The following PLEKHA8 variants were observed in gnomAD, a reference collection of about 807,000 sequenced individuals.
The protein encoded by PLEKHA8 is pleckstrin homology domain containing A8.
Under a neutral mutation model 68.2 loss-of-function variants are expected in PLEKHA8, and 36 were observed. That is an observed-to-expected ratio of 0.53 (90% CI 0.40 to 0.70). The LOEUF (loss-of-function observed/expected upper bound fraction) is 0.70. Among genes scored for constraint, PLEKHA8 ranks in the 30% least tolerant of loss-of-function variants. The probability of loss-of-function intolerance (pLI) is 0.00; values close to 1 mark genes in which losing one functional copy is unlikely to be tolerated. For missense variants in PLEKHA8, 505 were observed against 615.4 expected, an observed-to-expected ratio of 0.82 and a Z score of 1.90; for synonymous variants, 211 against 216.1, an observed-to-expected ratio of 0.98 and a Z score of 0.20.
In PLEKHA8 at chr7:30,054,747, C is replaced by T. The variant is rs755380585; in HGVS notation, c.835C>T (p.Leu279=). The change falls in exon 8 of 14, where the codon CTG becomes TTG. Residue 279 remains leucine (L), a synonymous_variant. Transcript: ENST00000449726. ...AAGGAAGGAAGATGGAATGGAAAAC[C>T]TGAAAAATCATGACAATAACTTGAC... ...EIRKEDGMEN[L]KNHDNNLTQS... 1.9e-6 allele frequency: 3 copies of T among 1,602,048 alleles called. No individual in the cohort carries two copies. The Admixed American group carries it at 5.1e-5, about 27-fold the overall frequency.
At chr7:30,067,880 T>G (rs1793971216) in intron 12 of PLEKHA8, among the ~76,000 whole-genome samples, 1 of 152,274 alleles carries the variant, frequency 6.6e-6, no homozygotes, top group African/African-American at 2.4e-5. Context: ...ATACTGTTAA[T>G]GGACACAGTT....
rs202038847 is a variant in PLEKHA8 at position 30,057,624 on chromosome 7, A to AT, written c.1039+2290dup. Among the ~76,000 whole-genome samples, 262 of 151,672 alleles carry AT rather than the reference A, an allele frequency of 1.7e-3. 3 individuals carry two copies. The highest frequency in any genetic ancestry group is 6.1e-3 in the African/African-American group (251 of 41,368). ...AGGCCTGTGCCACCATGCCTGGCCA[A>AT]TTTTTTTTGTATTTTTAATAGAGAC... On this transcript the variant is annotated intron_variant, in intron 9 of 13. Transcript: ENST00000449726.
At chr7:30,037,188 A>C (rs1167557635) in intron 1 of PLEKHA8, among the ~76,000 whole-genome samples, 1 of 152,226 alleles carries the variant, frequency 6.6e-6, no homozygotes, top group African/African-American at 2.4e-5. Flanking sequence ...ATAATATATG[A>C]TATGATAATA....
downstream of PLEKHA8, among the ~76,000 whole-genome samples, chr7:30,093,939 T>G (rs1431962645): frequency 6.6e-6 from 1 of 152,224 alleles, no homozygotes; most frequent in African/African-American, 2.4e-5. Flanking sequence ...ATCTTTTGTT[T>G]CCTAGTCAGT....
chr7:30,049,143 G>A lies in PLEKHA8; in HGVS notation c.439-81G>A, dbSNP rs1293104251. The A allele has an allele frequency of 1.5e-5, 23 of 1,532,084 alleles. No individual in the cohort carries two copies. The South Asian group carries it at 2.2e-4, about 14-fold the overall frequency. 94.9% of individuals were successfully genotyped at this position (1,532,084 alleles called of 1,614,324 possible). On this transcript the variant is annotated intron_variant, in intron 4 of 13. Coordinates refer to ENST00000449726, the MANE Select transcript of PLEKHA8 (RefSeq NM_001197026.2). ...TGGGTACATTATTATTATTTTGTGG[G>A]CAACCTCTAAGGACATTCCACAATT...
chr7:30,052,912 G>T, intron 7 of PLEKHA8, 46 bp downstream of exon 7: 1 of 1,479,640 alleles, frequency 6.8e-7, no homozygotes, highest in Non-Finnish European at 9.1e-7. Flanking sequence ...TTAGATGATA[G>T]AAAATTTGGG....
At chr7:30,056,312 C>CTCTA (rs796845171) in intron 9 of PLEKHA8, among the ~76,000 whole-genome samples, 2,314 of 94,468 alleles carry the variant, frequency 0.024, 85 homozygotes, top group Middle Eastern at 0.039. Context: ...CTCTCTCTCT[C>CTCTA]TATATATATA....
rs770502388 is a variant in PLEKHA8, at chr7:30,079,654, C to T, written c.*867C>T. The T allele has an allele frequency of 1.8e-6, 1 of 545,142 alleles. No individual in the cohort carries two copies. Among genetic ancestry groups the T allele is most frequent in the Non-Finnish European group, 2.3e-6 (1 of 427,728 alleles). 33.8% of individuals were successfully genotyped at this position (545,142 alleles called of 1,614,324 possible). On this transcript the variant is annotated 3_prime_UTR_variant, in exon 14 of 14. Transcript: ENST00000449726. The stretch of plus-strand genomic sequence containing the variant: ...GTCACATAGTTTTTAAGCAGAGGAG[C>T]CAGATAATTTCCAAGTGTGACCTGG...
intron 11 of PLEKHA8, 131 bp downstream of exon 11, chr7:30,062,158 GCCTAATGAATAATA>G: frequency 8.9e-7 from 1 of 1,121,238 alleles, no homozygotes; most frequent in Non-Finnish European, 1.2e-6. Flanking sequence ...TTTCTAGAAG[GCCTAATGAATAATA>G]CCACCTTATT....
At position 30,083,099 on chromosome 7, in the gene PLEKHA8, A is replaced by AT; in HGVS notation, c.*4317dup. 1 of 983,946 alleles carries AT rather than the reference A, an allele frequency of 1.0e-6. No homozygotes were observed. The highest frequency in any genetic ancestry group is 1.2e-6 in the Non-Finnish European group (1 of 828,708). The allele number at this position is 983,946 out of a possible 1,614,324, so 61.0% of individuals were successfully genotyped here. The stretch of plus-strand genomic sequence containing the variant: ...GATGTAGAGTTTATAAGTAAAATAT[A>AT]TTTTTAGCCATTGTTCTGTTAGCTG... On this transcript the variant is annotated 3_prime_UTR_variant, in exon 14 of 14. Coordinates refer to ENST00000449726, the MANE Select transcript of PLEKHA8 (RefSeq NM_001197026.2).
chr7:30,068,193 T>C (rs1299151881), intron 12 of PLEKHA8, among the ~76,000 whole-genome samples: 1 of 152,202 alleles, frequency 6.6e-6, no homozygotes, highest in Non-Finnish European at 1.5e-5. Flanking sequence ...GCTGAGACTT[T>C]GCATTTCTAA....
At chr7:30,058,330 T>C (rs780150308) in intron 9 of PLEKHA8, among the ~76,000 whole-genome samples, 2 of 152,160 alleles carry the variant, frequency 1.3e-5, no homozygotes, top group Non-Finnish European at 2.9e-5. Context: ...TTAGTGCTTT[T>C]AGTGTCTTAA....
At position 30,028,432 on chromosome 7, in the gene PLEKHA8, G is replaced by C. The variant is rs1306855885; in HGVS notation, c.-331G>C. The C allele has an allele frequency of 3.8e-6, 1 of 265,890 alleles. No individual in the cohort carries two copies. Among genetic ancestry groups the C allele is most frequent in the African/African-American group, 2.2e-5 (1 of 44,976 alleles). The allele number at this position is 265,890 out of a possible 1,614,324, so 16.5% of individuals were successfully genotyped here. On this transcript the variant is annotated 5_prime_UTR_variant, in exon 1 of 14. Transcript: ENST00000449726. Reference sequence around the variant, plus strand: ...CAGGTGGTGCGCCGTGGCGCCGCCTGCGACCGGCAGCTCGTTCGCCGCACT... The same window carrying C: ...CAGGTGGTGCGCCGTGGCGCCGCCTCCGACCGGCAGCTCGTTCGCCGCACT...
At chr7:30,094,103 A>G (rs1224160320), downstream of PLEKHA8, among the ~76,000 whole-genome samples, 1 of 152,180 alleles carries the variant, frequency 6.6e-6, no homozygotes, top group Non-Finnish European at 1.5e-5. Context: ...ATTCCTTTTC[A>G]GCTCACTCTA....
chr7:30,057,459 CT>C (rs566104325), intron 9 of PLEKHA8, among the ~76,000 whole-genome samples: 135 of 143,616 alleles, frequency 9.4e-4, no homozygotes, highest in South Asian at 4.7e-3. Context: ...GTTTGGGACT[CT>C]TTTTTTTTTT....
intron 12 of PLEKHA8, 117 bp from the exon 13 acceptor site, chr7:30,073,954 C>G (rs1232877329): frequency 1.3e-6 from 1 of 759,150 alleles, no homozygotes; most frequent in African/African-American, 1.8e-5. Context: ...CCACTGTACT[C>G]TAGCCTAGGT....
At chr7:30,099,588 C>A (rs904107807) in intron 13 of PLEKHA8, among the ~76,000 whole-genome samples, 4 of 152,202 alleles carry the variant, frequency 2.6e-5, no homozygotes, top group African/African-American at 9.7e-5. Flanking sequence ...ATGCTGTTAA[C>A]CAGCTCAGCC....
chr7:30,052,985 G>A, intron 7 of PLEKHA8, 119 bp downstream of exon 7: 1 of 779,060 alleles, frequency 1.3e-6, no homozygotes, highest in South Asian at 2.2e-5. Context: ...CTGCTAAGGA[G>A]GATATTGGCT....
chr7:30,048,523 G>T (rs927793519), intron 4 of PLEKHA8, among the ~76,000 whole-genome samples: 18 of 152,082 alleles, frequency 1.2e-4, no homozygotes, highest in Non-Finnish European at 1.9e-4. Context: ...GTGATTTTTA[G>T]CATTTATTAA....
Sources: allele counts gnomAD v4.1 joint callset (sites outside exome capture counted in the v4.1 genomes callset), GRCh38; gene constraint gnomAD v4.1.1; transcripts MANE v1.5; gene names NCBI Gene and HGNC (gene_info 2026-07-23, HGNC 2026-07-21).